The following RIMBP2 variants were observed in gnomAD, a reference collection of about 807,000 sequenced individuals.
The protein encoded by RIMBP2 is RIMS-binding protein 2.
In RIMBP2, 48 loss-of-function variants were observed where a neutral mutation model predicts 118.6. That is an observed-to-expected ratio of 0.40 (90% CI 0.32 to 0.51). The LOEUF is 0.51. RIMBP2 is among the 20% of genes least tolerant of loss of function. The pLI, the probability that RIMBP2 is intolerant of heterozygous loss-of-function variation, is 0.41. For missense variants in RIMBP2, 1,551 were observed against 1,768.3 expected (o/e 0.88, Z 2.20); for synonymous variants, 762 against 742.9 (o/e 1.03, Z -0.42).
At chr12:130,580,637 A>G (rs980526080) in intron 2 of RIMBP2, among the ~76,000 whole-genome samples, 3 of 152,246 alleles carry the variant, frequency 2.0e-5, no homozygotes, top group Non-Finnish European at 2.9e-5. Flanking sequence ...ATTAATTTTG[A>G]TATTTTAAAT....
intron 1 of RIMBP2, among the ~76,000 whole-genome samples, chr12:130,698,194 G>A (rs1566465337): frequency 6.6e-6 from 1 of 152,172 alleles, no homozygotes; most frequent in Admixed American, 6.5e-5. Flanking sequence ...AAGGGAGAAG[G>A]CGTGGGCCAC....
intron 7 of RIMBP2, among the ~76,000 whole-genome samples, chr12:130,451,623 T>C (rs1340846758): frequency 6.6e-6 from 1 of 152,192 alleles, no homozygotes; most frequent in African/African-American, 2.4e-5. Flanking sequence ...GGAGAGTTGA[T>C]GGCAAACAGG....
chr12:130,615,500 G>A (rs1030969762), intron 2 of RIMBP2, among the ~76,000 whole-genome samples: 14 of 151,472 alleles, frequency 9.2e-5, no homozygotes, highest in East Asian at 1.9e-4. Flanking sequence ...CAGTAGAGAC[G>A]GGTTTTCACC....
intron 1 of RIMBP2, among the ~76,000 whole-genome samples, chr12:130,665,849 C>G (rs2063894052): frequency 6.6e-6 from 1 of 152,156 alleles, no homozygotes; most frequent in African/African-American, 2.4e-5. Flanking sequence ...ACACTTCCCC[C>G]TCTTGATTAT....
chr12:130,471,644 G>A (rs1338579149), intron 5 of RIMBP2: 1 of 152,426 alleles, frequency 6.6e-6, no homozygotes, highest in Non-Finnish European at 1.5e-5. Flanking sequence ...TGCCCCATCT[G>A]ACCCAGCTAG....
At chr12:130,487,580 G>A (rs190177281) in intron 4 of RIMBP2, among the ~76,000 whole-genome samples, 149 of 152,242 alleles carry the variant, frequency 9.8e-4, no homozygotes, top group African/African-American at 3.3e-3. Context: ...AGATAAATTC[G>A]CTTCTTTTCT....
chr12:130,591,221 C>T (rs2059236453), intron 2 of RIMBP2, among the ~76,000 whole-genome samples: 1 of 152,216 alleles, frequency 6.6e-6, no homozygotes, highest in African/African-American at 2.4e-5. Flanking sequence ...GGACCCAGCA[C>T]ATGGCTGGAA....
At chr12:130,514,213 G>A (rs1022764775) in intron 3 of RIMBP2, among the ~76,000 whole-genome samples, 2 of 152,250 alleles carry the variant, frequency 1.3e-5, no homozygotes, top group African/African-American at 4.8e-5. Context: ...CATGCCGGGT[G>A]AGCTGCTGGG....
chr12:130,414,275 G>A lies in RIMBP2; in HGVS notation c.3270C>T (p.Asp1090=), dbSNP rs767168868. 3 of 1,607,222 alleles carry A rather than the reference G, an allele frequency of 1.9e-6. No homozygotes were observed. The highest frequency in any genetic ancestry group is 4.5e-5 in the East Asian group (2 of 44,760). Residue 1090 remains aspartate, a synonymous_variant, in exon 18 of 23, where the codon GAC becomes GAT. Coordinates refer to ENST00000690449, the MANE Select transcript of RIMBP2 (RefSeq NM_001393629.1). The stretch of plus-strand genomic sequence containing the variant: ...GGTCAGTTTCTGACTCTTCATAGAA[G>A]TCTGGAGAAAGGCGGTCTCGCCCGT... The part of the protein sequence containing the change: ...DDYGRDRLSP[D]FYEESETDPG...
intron 1 of RIMBP2, among the ~76,000 whole-genome samples, chr12:130,702,781 G>A (rs530757353): frequency 6.6e-6 from 1 of 152,162 alleles, no homozygotes; most frequent in African/African-American, 2.4e-5. Flanking sequence ...CGGAATCTTG[G>A]GCCCCTTCCC....
intron 3 of RIMBP2, among the ~76,000 whole-genome samples, chr12:130,516,473 T>C (rs1436616399): frequency 6.6e-6 from 1 of 152,188 alleles, no homozygotes; most frequent in Non-Finnish European, 1.5e-5. Context: ...AGACCCGTGA[T>C]AGACTAAGAT....
rs979625719 is a variant in RIMBP2, at chr12:130,475,343, G to A, written c.102+3569C>T. Among the ~76,000 whole-genome samples the A allele has an allele frequency of 1.3e-5, 2 of 152,176 alleles. No homozygotes were observed. Among genetic ancestry groups the A allele is most frequent in the African/African-American group, 4.8e-5 (2 of 41,430 alleles). On this transcript the variant is annotated intron_variant, in intron 5 of 22. Coordinates refer to ENST00000690449, the MANE Select transcript of RIMBP2 (RefSeq NM_001393629.1). The surrounding 1 kb of genome is among the most constrained non-coding windows in gnomAD (Gnocchi z 4.1). ...GGGATGCAGGCCCCTGATATTAGAC[G>A]CCTGAATGTCCAGCACCCTCTCAAG... is the stretch of plus-strand genomic sequence containing the variant.
At chr12:130,588,476 A>G (rs7133414) in intron 2 of RIMBP2, among the ~76,000 whole-genome samples, 126,450 of 151,920 alleles carry the variant, frequency 0.83, 52,637 homozygotes, top group South Asian at 0.88. Flanking sequence ...AACTGCAATC[A>G]GATCTTGGCT....
At chr12:130,553,719 G>C (rs1245969394) in intron 2 of RIMBP2, among the ~76,000 whole-genome samples, 2 of 152,116 alleles carry the variant, frequency 1.3e-5, no homozygotes, top group African/African-American at 4.8e-5. Flanking sequence ...ACTCCAGCCC[G>C]GACAACTGAG....
Position 130,450,049 on chromosome 12 carries a change from A to T in RIMBP2, c.581+151T>A, listed in dbSNP as rs1025180372. 1.7e-6 allele frequency: 1 copy of T among 602,074 alleles called. No individual in the cohort carries two copies. The highest frequency in any genetic ancestry group is 3.0e-6 in the Non-Finnish European group (1 of 337,018). The allele number at this position is 602,074 out of a possible 1,614,324, so 37.3% of individuals were successfully genotyped here. A position where few individuals can be genotyped will look rare whatever the true frequency, so the allele number is the denominator to read the frequency against. The stretch of plus-strand genomic sequence containing the variant: ...GTGCCACCCAAACTCTCTCCACCGA[A>T]CCCTGCTCAGCCTCCAGGCCAGGCT... On this transcript the variant is annotated intron_variant, in intron 9 of 22. Coordinates refer to ENST00000690449, the MANE Select transcript of RIMBP2 (RefSeq NM_001393629.1). The surrounding 1 kb of genome is among the most constrained non-coding windows in gnomAD (Gnocchi z 4.8).
At chr12:130,627,407 A>G (rs1371844893) in intron 2 of RIMBP2, among the ~76,000 whole-genome samples, 2 of 152,260 alleles carry the variant, frequency 1.3e-5, no homozygotes, top group African/African-American at 4.8e-5. Flanking sequence ...GAAATGAACT[A>G]TTGCCCTGAG....
At chr12:130,478,301 G>C (rs2081618902) in intron 5 of RIMBP2, among the ~76,000 whole-genome samples, 1 of 152,120 alleles carries the variant, frequency 6.6e-6, no homozygotes, top group African/African-American at 2.4e-5. Flanking sequence ...CTGCAACTCA[G>C]TTTTCTCACT....
chr12:130,433,483 A>C (rs1303929700), intron 14 of RIMBP2, among the ~76,000 whole-genome samples: 1 of 152,204 alleles, frequency 6.6e-6, no homozygotes, highest in African/African-American at 2.4e-5. Flanking sequence ...CCCTCAGCAC[A>C]TGCCAGAGCC....
Position 130,584,031 on chromosome 12 carries a change from C to A in RIMBP2, c.-217+44291G>T, listed in dbSNP as rs375865704. Among the ~76,000 whole-genome samples the A allele has an allele frequency of 5.6e-4, 82 of 146,676 alleles. No individual in the cohort carries two copies. The South Asian group carries it at 9.3e-3, about 17-fold the overall frequency. On this transcript the variant is annotated intron_variant, in intron 2 of 22. Transcript: ENST00000690449. ...CATCACCACCATTACATCACCATCACCCCCATCACCATTACATCATCATCA... is the reference window on the plus strand; with the variant it reads ...CATCACCACCATTACATCACCATCAACCCCATCACCATTACATCATCATCA...
Sources: allele counts gnomAD v4.1 joint callset (sites outside exome capture counted in the v4.1 genomes callset), GRCh38; gene constraint gnomAD v4.1.1; non-coding constraint Gnocchi (gnomAD v3.1); transcripts MANE v1.5; gene names NCBI Gene and HGNC (gene_info 2026-07-23, HGNC 2026-07-21).